Variants in TM9SF3 observed in about 807,000 individuals in gnomAD.
TM9SF3 encodes transmembrane 9 superfamily member 3, also known as SM-11044-binding protein.
In TM9SF3, 14 loss-of-function variants were observed where a neutral mutation model predicts 78.6. That is an observed-to-expected ratio of 0.18 (90% CI 0.12 to 0.28). The LOEUF is 0.28. TM9SF3 is among the 10% of genes least tolerant of loss of function. The pLI, the probability that TM9SF3 is intolerant of heterozygous loss-of-function variation, is 1.00. For missense variants in TM9SF3, 496 were observed against 721.9 expected (o/e 0.69, Z 3.59); for synonymous variants, 231 against 241.7 (o/e 0.96, Z 0.41).
At chr10:96,562,176 C>T in intron 3 of TM9SF3, 38 bp from the exon 4 acceptor site, 1 of 1,392,606 alleles carries the variant, frequency 7.2e-7, no homozygotes. Flanking sequence ...GGTAAAACCA[C>T]TTAATATTTA....
At chr10:96,554,677 T>C (rs1046178404) in intron 5 of TM9SF3, among the ~76,000 whole-genome samples, 2 of 152,146 alleles carry the variant, frequency 1.3e-5, no homozygotes, top group African/African-American at 4.8e-5. Context: ...CCACCTCCCA[T>C]CCCACCCCAA....
chr10:96,576,852 G>C, intron 1 of TM9SF3, 23 bp from the exon 2 acceptor site: 3 of 1,362,130 alleles, frequency 2.2e-6, no homozygotes, highest in Non-Finnish European at 2.9e-6. Flanking sequence ...AAGCAAACAA[G>C]AATTAAAAAA....
intron 9 of TM9SF3, chr10:96,543,498 C>T (rs988512736): frequency 2.0e-5 from 3 of 151,976 alleles, no homozygotes; most frequent in East Asian, 1.9e-4. Flanking sequence ...CCACACCTGG[C>T]TAATTTTTTT....
chr10:96,556,229 C>T (rs1481031709), intron 5 of TM9SF3, among the ~76,000 whole-genome samples: 1 of 55,212 alleles, frequency 1.8e-5, no homozygotes, highest in African/African-American at 7.0e-5. Context: ...TGAAGCTGCA[C>T]CCTCAATTTG....
At chr10:96,560,105 T>C (rs541272308) in intron 4 of TM9SF3, 6 of 653,112 alleles carry the variant, frequency 9.2e-6, no homozygotes, top group Non-Finnish European at 1.4e-5. Context: ...TGTAATTCTG[T>C]CCTGCGTGGC....
At chr10:96,539,650 A>T (rs1463049388) in intron 9 of TM9SF3, among the ~76,000 whole-genome samples, 1 of 152,184 alleles carries the variant, frequency 6.6e-6, no homozygotes, top group Non-Finnish European at 1.5e-5. Flanking sequence ...GGGTGTATGT[A>T]TATCAAAATT....
chr10:96,564,830 T>C (rs1204038001), intron 3 of TM9SF3, among the ~76,000 whole-genome samples: 1 of 152,178 alleles, frequency 6.6e-6, no homozygotes, highest in Non-Finnish European at 1.5e-5. Flanking sequence ...CTCTTCTCCA[T>C]TAATATGGAT....
rs1423923966 is a variant in TM9SF3 at position 96,520,431 on chromosome 10, T to C, written c.*1832A>G. On this transcript the variant is annotated 3_prime_UTR_variant, in exon 15 of 15. Coordinates refer to ENST00000371142, the MANE Select transcript of TM9SF3 (RefSeq NM_020123.4). ...TTTAAAGGACTTACATGTCACAATA[T>C]AGGATGTAGAGTCCATCAATAGATA... The C allele has an allele frequency of 6.5e-6, 1 of 153,116 alleles. No homozygotes were observed. The highest frequency in any genetic ancestry group is 1.9e-4 in the East Asian group (1 of 5,254). The allele number at this position is 153,116 out of a possible 1,614,324, so 9.5% of individuals were successfully genotyped here.
Position 96,574,939 on chromosome 10 carries a change from G to A in TM9SF3, c.298+1695C>T, listed in dbSNP as rs574026197. 3.0e-3 allele frequency among the ~76,000 whole-genome samples: 457 copies of A among 152,226 alleles called. 2 individuals are homozygous for A. The highest frequency in any genetic ancestry group is 7.7e-3 in the South Asian group (37 of 4,824). On this transcript the variant is annotated intron_variant, in intron 2 of 14. Coordinates refer to ENST00000371142, the MANE Select transcript of TM9SF3 (RefSeq NM_020123.4). The stretch of plus-strand genomic sequence containing the variant: ...GCCCTGTCAGGGGGTGGGGGGCTAG[G>A]GAAGGGATAGCATTAGGAGAAATAC...
At chr10:96,547,317 C>T (rs1261229852) in intron 8 of TM9SF3, among the ~76,000 whole-genome samples, 1 of 152,142 alleles carries the variant, frequency 6.6e-6, no homozygotes, top group African/African-American at 2.4e-5. Context: ...ACATGGAGCA[C>T]ATCTAGAGCC....
chr10:96,531,660 G>T (rs988084797), intron 10 of TM9SF3, among the ~76,000 whole-genome samples: 1 of 152,156 alleles, frequency 6.6e-6, no homozygotes, highest in African/African-American at 2.4e-5. Flanking sequence ...CACAGTCAAT[G>T]AGAGGCAGAT....
At chr10:96,525,188 G>A (rs1308911127) in intron 14 of TM9SF3, among the ~76,000 whole-genome samples, 1 of 151,886 alleles carries the variant, frequency 6.6e-6, no homozygotes, top group Non-Finnish European at 1.5e-5. Context: ...AAATAAAGAG[G>A]AGTCCAGTGA....
chr10:96,527,800 A>G (rs1282440590), intron 12 of TM9SF3, among the ~76,000 whole-genome samples: 1 of 152,102 alleles, frequency 6.6e-6, no homozygotes, highest in African/African-American at 2.4e-5. Context: ...CTCTTTTCAT[A>G]TCAAGCACTT....
intron 9 of TM9SF3, among the ~76,000 whole-genome samples, chr10:96,541,324 C>A (rs1157898762): frequency 6.6e-6 from 1 of 152,126 alleles, no homozygotes; most frequent in Non-Finnish European, 1.5e-5. Flanking sequence ...CTAAATCATT[C>A]TTGGATAAAT....
At position 96,521,133 on chromosome 10, in the gene TM9SF3, A is replaced by AC. The variant is rs931177058; in HGVS notation, c.*1129dup. The AC allele has an allele frequency of 5.4e-6, 2 of 367,298 alleles. No individual in the cohort carries two copies. The highest frequency in any genetic ancestry group is 4.2e-5 in the African/African-American group (2 of 47,464). 22.8% of individuals were successfully genotyped at this position (367,298 alleles called of 1,614,324 possible). Reference sequence around the variant, plus strand: ...CTCAGAAAATAAACAGAAGAAAACAACCCCCCTCCCAAAAGAAGTATGACA... The same window carrying AC: ...CTCAGAAAATAAACAGAAGAAAACAACCCCCCCTCCCAAAAGAAGTATGACA... On this transcript the variant is annotated 3_prime_UTR_variant, in exon 15 of 15. Transcript: ENST00000371142.
chr10:96,559,626 T>C (rs775260409), intron 5 of TM9SF3, 33 bp downstream of exon 5: 6 of 1,468,758 alleles, frequency 4.1e-6, no homozygotes, highest in Non-Finnish European at 1.9e-6. Context: ...TTGGTGCACA[T>C]AATCAATGTC....
intron 4 of TM9SF3, chr10:96,560,103 T>A (rs1848286801): frequency 1.6e-6 from 1 of 644,668 alleles, no homozygotes; most frequent in Non-Finnish European, 2.8e-6. Flanking sequence ...GGTGTAATTC[T>A]GTCCTGCGTG....
At chr10:96,540,177 T>A (rs1044268743) in intron 9 of TM9SF3, among the ~76,000 whole-genome samples, 1 of 152,224 alleles carries the variant, frequency 6.6e-6, no homozygotes, top group African/African-American at 2.4e-5. Flanking sequence ...CCCTTTTCAA[T>A]TGAATCAGCA....
At chr10:96,537,505 C>G (rs1448016861) in intron 9 of TM9SF3, among the ~76,000 whole-genome samples, 2 of 152,158 alleles carry the variant, frequency 1.3e-5, no homozygotes, top group African/African-American at 4.8e-5. Context: ...TTAAATGATG[C>G]ATGACTGTAA....
Sources: allele counts gnomAD v4.1 joint callset (sites outside exome capture counted in the v4.1 genomes callset), GRCh38; gene constraint gnomAD v4.1.1; transcripts MANE v1.5; gene names NCBI Gene and HGNC (gene_info 2026-07-23, HGNC 2026-07-21).